PPP4R3B: variants seen among roughly 807,000 people sequenced by gnomAD.
The protein encoded by PPP4R3B is serine/threonine-protein phosphatase 4 regulatory subunit 3B.
In PPP4R3B, 52 loss-of-function variants were observed where a neutral mutation model predicts 95.4. The ratio of observed to expected loss-of-function variants is 0.54; its 90% confidence interval spans 0.44 to 0.69. PPP4R3B has a LOEUF of 0.69. PPP4R3B is among the 30% of genes least tolerant of loss of function. The pLI, the probability that PPP4R3B is intolerant of heterozygous loss-of-function variation, is 0.00. For missense variants in PPP4R3B, 1,003 were observed against 1,005.9 expected (o/e 1.00, Z 0.04); for synonymous variants, 407 against 343.9 (o/e 1.18, Z -2.03).
At chr2:55,562,140 G>A (rs568794908) in intron 15 of PPP4R3B, among the ~76,000 whole-genome samples, 32 of 152,172 alleles carry the variant, frequency 2.1e-4, no homozygotes, top group African/African-American at 6.3e-4. Context: ...GTGGCACCTC[G>A]GCCGGGCTTG....
Position 55,585,078 on chromosome 2 carries a change from T to C in PPP4R3B, c.1206A>G (p.Val402=). ...CATCACTCTGCTGAGCTTCTTGCATTACAAACTCTCGGACCATAGATGGAC... is the reference window on the plus strand; with the variant it reads ...CATCACTCTGCTGAGCTTCTTGCATCACAAACTCTCGGACCATAGATGGAC... ...EFSPSMVREF[V]MQEAQQSDDD... is the part of the protein sequence containing the mutation. Residue 402 remains valine, a synonymous_variant, in exon 7 of 17, where the codon GTA becomes GTG. Transcript: ENST00000616407. 6.2e-7 allele frequency: 1 copy of C among 1,611,666 alleles called. No homozygotes were observed. The highest frequency in any genetic ancestry group is 8.5e-7 in the Non-Finnish European group (1 of 1,178,992).
At chr2:55,571,582 G>A (rs966779960) in intron 12 of PPP4R3B, among the ~76,000 whole-genome samples, 12 of 152,244 alleles carry the variant, frequency 7.9e-5, no homozygotes, top group African/African-American at 2.9e-4. Context: ...CCTTACAAGA[G>A]ACACTATAAT....
Position 55,581,706 on chromosome 2 carries a change from C to T in PPP4R3B, c.1234-8G>A, listed in dbSNP as rs753085765. 6.3e-7 allele frequency: 1 copy of T among 1,576,254 alleles called. No homozygotes were observed. The highest frequency in any genetic ancestry group is 8.6e-7 in the Non-Finnish European group (1 of 1,161,050). On this transcript the variant is annotated splice_polypyrimidine_tract_variant and splice_region_variant and intron_variant, in intron 7 of 16. Transcript: ENST00000616407. ...ATTAATAAGAAGAATATCCTGGTGG[C>T]AAAACAAAACAAAACAAAACATGTT...
chr2:55,615,132 T>C (rs979535786), intron 2 of PPP4R3B: 10 of 214,826 alleles, frequency 4.7e-5, no homozygotes, highest in African/African-American at 9.4e-5. Context: ...TTTTGTTCTA[T>C]GTCATTTCCT....
At chr2:55,615,879 A>AAG (rs1230198734) in intron 1 of PPP4R3B, among the ~76,000 whole-genome samples, 4 of 146,836 alleles carry the variant, frequency 2.7e-5, no homozygotes, top group Non-Finnish European at 6.0e-5. Context: ...AAAAAAAAAA[A>AAG]AAATACACAT....
In PPP4R3B at chr2:55,600,318, C is replaced by G. The variant is rs557339792; in HGVS notation, c.298-1279G>C. ...GCGCATGCCTGTAGTCCCAGCTACTCGAGAGGCTGAGGCAGCAGAACTGCT... is the reference window on the plus strand; with the variant it reads ...GCGCATGCCTGTAGTCCCAGCTACTGGAGAGGCTGAGGCAGCAGAACTGCT... On this transcript the variant is annotated intron_variant, in intron 3 of 16. Coordinates refer to ENST00000616407, the MANE Select transcript of PPP4R3B (RefSeq NM_001122964.3). 9.4e-5 allele frequency among the ~76,000 whole-genome samples: 14 copies of G among 149,154 alleles called. No individual in the cohort carries two copies. In the South Asian group the frequency reaches 1.3e-3, roughly 14 times the overall value.
Position 55,549,828 on chromosome 2 carries a change from A to G in PPP4R3B, c.*83T>C. ...TGTATATTTTATAAGTTCAATTGAG[A>G]AAGCTTTCTGATTCAGATTTTCAGC... On this transcript the variant is annotated 3_prime_UTR_variant, in exon 17 of 17. Coordinates refer to ENST00000616407, the MANE Select transcript of PPP4R3B (RefSeq NM_001122964.3). 1.9e-6 allele frequency: 2 copies of G among 1,036,922 alleles called. No homozygotes were observed. Among genetic ancestry groups the G allele is most frequent in the Non-Finnish European group, 3.0e-6 (2 of 660,042 alleles). The allele number at this position is 1,036,922 out of a possible 1,614,324, so 64.2% of individuals were successfully genotyped here. A position where few individuals can be genotyped will look rare whatever the true frequency, so the allele number is the denominator to read the frequency against.
At chr2:55,616,135 T>G (rs932837324) in intron 1 of PPP4R3B, among the ~76,000 whole-genome samples, 2 of 152,080 alleles carry the variant, frequency 1.3e-5, no homozygotes, top group Non-Finnish European at 2.9e-5. Flanking sequence ...AAGGTCTAAA[T>G]GACCACTTCA....
chr2:55,582,184 T>C (rs1206620111), intron 7 of PPP4R3B, among the ~76,000 whole-genome samples: 2 of 152,176 alleles, frequency 1.3e-5, no homozygotes, highest in African/African-American at 4.8e-5. Flanking sequence ...AGTACACAAC[T>C]CTTCATGCAA....
In PPP4R3B at chr2:55,604,034, C is replaced by G; in HGVS notation, c.241G>C (p.Ala81Pro). ...VWSEAENYDL[A>P]LSFQEKAGCD... ...CCAGCTTTCTCCTGAAAACTCAGAG[C>G]CAAATCATAGTTCTCTGCTTCTGAC... Residue 81 changes from alanine (A) to proline (P), a missense_variant, in exon 3 of 17, where the codon GCT (alanine) becomes CCT (proline). This residue lies in a region of PPP4R3B where 695 missense variants were observed against 686.2 expected (regional missense o/e 1.01). Transcript: ENST00000616407. The G allele has an allele frequency of 1.2e-6, 2 of 1,609,822 alleles. No homozygotes were observed. The highest frequency in any genetic ancestry group is 1.7e-6 in the Non-Finnish European group (2 of 1,178,302).
chr2:55,563,156 C>T (rs1296491948), intron 15 of PPP4R3B, among the ~76,000 whole-genome samples: 1 of 152,134 alleles, frequency 6.6e-6, no homozygotes, highest in South Asian at 2.1e-4. Context: ...AGCAAAGGTA[C>T]CGATTTCTTA....
intron 4 of PPP4R3B, among the ~76,000 whole-genome samples, chr2:55,594,274 TA>T (rs1691454064): frequency 7.8e-6 from 1 of 128,602 alleles, no homozygotes; most frequent in African/African-American, 2.8e-5. Context: ...ATGTAACAAA[TA>T]AGCCTATGTG....
chr2:55,597,824 T>C (rs1692013223), intron 4 of PPP4R3B, among the ~76,000 whole-genome samples: 1 of 152,036 alleles, frequency 6.6e-6, no homozygotes, highest in Admixed American at 6.6e-5. Context: ...AATAAATAAA[T>C]AGTCAAAACG....
intron 2 of PPP4R3B, among the ~76,000 whole-genome samples, chr2:55,605,297 TTA>T (rs2103777235): frequency 6.6e-6 from 1 of 152,290 alleles, no homozygotes; most frequent in Admixed American, 6.5e-5. Context: ...ACAAAACACC[TTA>T]TATGTAATAA....
chr2:55,553,658 T>A (rs370782206), intron 16 of PPP4R3B, among the ~76,000 whole-genome samples: 37 of 152,202 alleles, frequency 2.4e-4, no homozygotes, highest in African/African-American at 8.4e-4. Flanking sequence ...ACTTTGTTTC[T>A]GCGGATTTGC....
At chr2:55,568,027 CTGAT>C in intron 13 of PPP4R3B, 163 bp downstream of exon 13, 1 of 403,076 alleles carries the variant, frequency 2.5e-6, no homozygotes, top group Admixed American at 4.6e-5. Flanking sequence ...TAAAAAGCTA[CTGAT>C]TTTTAAAATT....
intron 2 of PPP4R3B, 96 bp downstream of exon 2, chr2:55,615,353 GTT>G (rs1360454520): frequency 5.4e-6 from 5 of 926,502 alleles, no homozygotes; most frequent in African/African-American, 1.7e-5. Flanking sequence ...TACCAAACAT[GTT>G]TTTTTCTTGT....
intron 3 of PPP4R3B, 96 bp from the exon 4 acceptor site, chr2:55,599,135 A>C: frequency 2.6e-6 from 3 of 1,169,818 alleles, no homozygotes; most frequent in Non-Finnish European, 3.5e-6. Flanking sequence ...GCTAGTCACT[A>C]CTAATTAAAA....
At chr2:55,589,044 G>C in intron 4 of PPP4R3B, 88 bp from the exon 5 acceptor site, 1 of 794,794 alleles carries the variant, frequency 1.3e-6, no homozygotes, top group Non-Finnish European at 2.0e-6. Flanking sequence ...ATAAAAAATA[G>C]TTGACAAGTA....
Sources: gnomAD v4.1 joint callset for allele counts (sites outside exome capture counted in the v4.1 genomes callset) on GRCh38, gnomAD v4.1.1 for gene constraint, gnomAD v4.1.1 regional missense constraint, MANE v1.5 for transcripts, NCBI Gene and HGNC (gene_info 2026-07-23, HGNC 2026-07-21) for gene names.